The following KNL1 variants were observed in gnomAD, a reference collection of about 807,000 sequenced individuals.
KNL1 encodes the protein kinetochore scaffold 1, also known as outer kinetochore KNL1 complex subunit KNL1.
KNL1 carries 66 observed loss-of-function variants against 201.3 expected under a neutral mutation model. The observed-to-expected ratio is 0.33, with a 90% CI of 0.27 to 0.40. The LOEUF (loss-of-function observed/expected upper bound fraction) is 0.40, where lower values mean the gene tolerates loss of function less well. Ranked by LOEUF, KNL1 falls within the 10% of genes least tolerant of loss-of-function variation. The pLI is 1.00. For synonymous variants in KNL1, 895 were observed against 899.2 expected (o/e 1.00, Z 0.08); for missense variants, 2,815 against 2,690.5 (o/e 1.05, Z -1.02).
At chr15:40,637,873 GA>G (rs372582308) in intron 13 of KNL1, among the ~76,000 whole-genome samples, 2,113 of 148,682 alleles carry the variant, frequency 0.014, 21 homozygotes, top group Middle Eastern at 0.038. Flanking sequence ...CCAAAAATCT[GA>G]AAAAAAAAAT....
Position 40,620,772 on chromosome 15 carries a change from A to C in KNL1, c.508A>C (p.Ile170Leu). Residue 170 changes from isoleucine to leucine, a missense_variant, in exon 10 of 26, where the codon ATA becomes CTA. Around this residue, in one of 3 missense-constraint regions of KNL1, gnomAD observed 2,464 missense variants for 2,291.7 expected, o/e 1.08. Coordinates refer to ENST00000399668, the MANE Select transcript of KNL1 (RefSeq NM_144508.5). ...TACCAAAGGCCTTTTAGATAATCCC[A>C]TAAGTGAAAAGTCCACCAAGATAGA... Reference protein sequence around the residue: ...MITKGLLDNPISEKSTKIDTT... With the variant: ...MITKGLLDNPLSEKSTKIDTT... 6.2e-7 allele frequency: 1 copy of C among 1,613,724 alleles called. No homozygotes were observed. Among genetic ancestry groups the C allele is most frequent in the Non-Finnish European group, 8.5e-7 (1 of 1,179,804 alleles).
In KNL1 at chr15:40,662,241, A is replaced by G. The variant is rs544551339; in HGVS notation, c.*53A>G. Reference sequence around the variant, plus strand: ...AGCAGAATGTACTTGATATTATTTCAGGGTCCCATTGCTGTTCAGCCTTTG... The same window carrying G: ...AGCAGAATGTACTTGATATTATTTCGGGGTCCCATTGCTGTTCAGCCTTTG... On this transcript the variant is annotated 3_prime_UTR_variant, in exon 26 of 26. Transcript: ENST00000399668. 9 of 1,017,510 alleles carry G rather than the reference A, an allele frequency of 8.8e-6. No individual in the cohort carries two copies. The South Asian group carries it at 9.2e-5, about 10-fold the overall frequency. 63.0% of individuals were successfully genotyped at this position (1,017,510 alleles called of 1,614,324 possible). A position where few individuals can be genotyped will look rare whatever the true frequency, so the allele number is the denominator to read the frequency against.
At position 40,629,254 on chromosome 15, in the gene KNL1, C is replaced by CT. The variant is rs761229445; in HGVS notation, c.5584-11dup. 55 of 1,497,572 alleles carry CT rather than the reference C, an allele frequency of 3.7e-5. No homozygotes were observed. The highest frequency in any genetic ancestry group is 6.8e-5 in the Admixed American group (3 of 44,260). 92.8% of individuals were successfully genotyped at this position (1,497,572 alleles called of 1,614,324 possible). ...AAATCACATTGAATGGTCATGCAAA[C>CT]TTTTTTTTCTTTTCTCAGAAACTCC... On this transcript the variant is annotated intron_variant, in intron 12 of 25. Transcript: ENST00000399668.
intron 21 of KNL1, among the ~76,000 whole-genome samples, chr15:40,652,549 C>T (rs1216617618): frequency 6.7e-6 from 1 of 149,670 alleles, no homozygotes; most frequent in East Asian, 2.0e-4. Context: ...GTGGGCGGAT[C>T]ATCTGAGGTC....
At chr15:40,660,538 C>T (rs1180305540) in intron 25 of KNL1, among the ~76,000 whole-genome samples, 3 of 151,732 alleles carry the variant, frequency 2.0e-5, no homozygotes, top group Middle Eastern at 6.8e-3. Flanking sequence ...TGGCGGTGGG[C>T]GCCTGTAATC....
At position 40,652,002 on chromosome 15, in the gene KNL1, C is replaced by T. The variant is rs1893579530; in HGVS notation, c.6315-3C>T. On this transcript the variant is annotated splice_region_variant and splice_polypyrimidine_tract_variant and intron_variant, in intron 20 of 25. Transcript: ENST00000399668. The stretch of plus-strand genomic sequence containing the variant: ...TTTAAAAATCTTGTTTATCTCTCTA[C>T]AGCTTGTCTGAGTGGGATGTCGTTG... 1 of 1,608,896 alleles carries T rather than the reference C, an allele frequency of 6.2e-7. No homozygotes were observed. Among genetic ancestry groups the T allele is most frequent in the South Asian group, 1.1e-5 (1 of 90,882 alleles).
At chr15:40,636,206 G>A (rs949926695) in intron 13 of KNL1, among the ~76,000 whole-genome samples, 7 of 152,196 alleles carry the variant, frequency 4.6e-5, no homozygotes, top group Admixed American at 3.3e-4. Context: ...GTATAAGTTG[G>A]ACACTACTTA....
At chr15:40,616,780 C>G (rs900651011) in intron 8 of KNL1, among the ~76,000 whole-genome samples, 1 of 152,176 alleles carries the variant, frequency 6.6e-6, no homozygotes, top group African/African-American at 2.4e-5. Context: ...GAATAAAGCC[C>G]ATACTCCTTA....
At chr15:40,600,697 A>G (rs1406039239) in intron 1 of KNL1, among the ~76,000 whole-genome samples, 1 of 152,230 alleles carries the variant, frequency 6.6e-6, no homozygotes, top group African/African-American at 2.4e-5. Context: ...AAATGCTAAT[A>G]TGGTTGAGTC....
Position 40,623,940 on chromosome 15 carries a change from C to A in KNL1, c.3676C>A (p.His1226Asn). Reference protein sequence around the residue: ...ALAVGNKIVLHTEQKQQLFAA... With the variant: ...ALAVGNKIVLNTEQKQQLFAA... ...GGCTGTAGGAAACAAAATAGTTCTT[C>A]ACACCGAGCAAAAGCAACAACTCTT... Residue 1226 changes from histidine (H) to asparagine (N), a missense_variant, in exon 10 of 26, where the codon CAC becomes AAC. Around this residue, in one of 3 missense-constraint regions of KNL1, gnomAD observed 2,464 missense variants for 2,291.7 expected, o/e 1.08. Transcript: ENST00000399668. The A allele has an allele frequency of 6.2e-7, 1 of 1,613,400 alleles. No individual in the cohort carries two copies. The highest frequency in any genetic ancestry group is 1.1e-5 in the South Asian group (1 of 91,070).
rs759513987 is a variant in KNL1 at position 40,621,107 on chromosome 15, G to A, written c.843G>A (p.Met281Ile). Residue 281 changes from methionine (M) to isoleucine (I), a missense_variant, in exon 10 of 26, where the codon ATG becomes ATA. Physicochemically the swap from Met to Ile is conservative, Grantham distance 10. Transcript: ENST00000399668. ...TCTTTAGAGAAAAAGATGATGGGATGAATTTCACCCAGTGTCATACAGCCA... is the reference window on the plus strand; with the variant it reads ...TCTTTAGAGAAAAAGATGATGGGATAAATTTCACCCAGTGTCATACAGCCA... ...TRLFREKDDG[M>I]NFTQCHTANI... The A allele has an allele frequency of 6.2e-7, 1 of 1,613,518 alleles. No individual in the cohort carries two copies. The highest frequency in any genetic ancestry group is 1.1e-5 in the South Asian group (1 of 91,046).
intron 7 of KNL1, among the ~76,000 whole-genome samples, chr15:40,614,223 G>A (rs899366255): frequency 1.3e-5 from 2 of 151,034 alleles, no homozygotes; most frequent in Admixed American, 6.6e-5. Context: ...TCAGCCTCCC[G>A]AGTACCTGGG....
chr15:40,646,821 C>T lies in KNL1; in HGVS notation c.6007-166C>T, dbSNP rs550375772. The T allele has an allele frequency of 9.2e-5, 37 of 404,356 alleles. 1 individual carries two copies. Among genetic ancestry groups the T allele is most frequent in the East Asian group, 8.8e-4 (19 of 21,512 alleles). The allele number at this position is 404,356 out of a possible 1,614,324, so 25.0% of individuals were successfully genotyped here. A position where few individuals can be genotyped will look rare whatever the true frequency, so the allele number is the denominator to read the frequency against. ...GCAATGAGCCCAGATGGCGCCACTGCACTCCAGCCTGGGTAACAGAATGAG... is the reference window on the plus strand; with the variant it reads ...GCAATGAGCCCAGATGGCGCCACTGTACTCCAGCCTGGGTAACAGAATGAG... On this transcript the variant is annotated intron_variant, in intron 16 of 25. Coordinates refer to ENST00000399668, the MANE Select transcript of KNL1 (RefSeq NM_144508.5).
In KNL1 at chr15:40,623,831, T is replaced by G. The variant is rs1892637314; in HGVS notation, c.3567T>G (p.Phe1189Leu). 6.2e-7 allele frequency: 1 copy of G among 1,613,266 alleles called. No homozygotes were observed. The highest frequency in any genetic ancestry group is 8.5e-7 in the Non-Finnish European group (1 of 1,179,764). ...AAATACTTGAAGAAAACCCTAAATT[T>G]GGAATAGGAAAAGGAAAAAACTTGG... ...TEKILEENPK[F>L]GIGKGKNLGV... is the part of the protein sequence containing the mutation. The change falls in exon 10 of 26, where the codon TTT (phenylalanine) becomes TTG (leucine). Residue 1189 changes from phenylalanine (F) to leucine (L), a missense_variant. By Grantham distance (22) the Phe-to-Leu change is conservative. This residue lies in a region of KNL1 where 2,464 missense variants were observed against 2,291.7 expected (regional missense o/e 1.08). Transcript: ENST00000399668.
rs1893209873 is a variant in KNL1, at chr15:40,640,957, C to A, written c.5728C>A (p.Gln1910Lys). Residue 1910 changes from glutamine (Q) to lysine (K), a missense_variant, in exon 14 of 26, where the codon CAA (glutamine) becomes AAA (lysine). This residue lies in a region of KNL1 where 2,464 missense variants were observed against 2,291.7 expected (regional missense o/e 1.08). Coordinates refer to ENST00000399668, the MANE Select transcript of KNL1 (RefSeq NM_144508.5). Reference protein sequence around the residue: ...PPTPEDLMLSQYVYRPKIQIY... With the variant: ...PPTPEDLMLSKYVYRPKIQIY... Reference sequence around the variant, plus strand: ...TACTCCAGAAGACCTGATGTTAAGTCAATATGTTTACCGACCCAAGATACA... The same window carrying A: ...TACTCCAGAAGACCTGATGTTAAGTAAATATGTTTACCGACCCAAGATACA... 1.2e-6 allele frequency: 2 copies of A among 1,613,200 alleles called. No individual in the cohort carries two copies. Among genetic ancestry groups the A allele is most frequent in the African/African-American group, 1.3e-5 (1 of 74,998 alleles).
Position 40,614,932 on chromosome 15 carries a change from C to G in KNL1, c.285-409C>G, listed in dbSNP as rs112524866. 4.7e-3 allele frequency among the ~76,000 whole-genome samples: 710 copies of G among 152,278 alleles called. 6 individuals carry two copies. The highest frequency in any genetic ancestry group is 0.017 in the African/African-American group (686 of 41,562). ...TATTTTTTTGAGATGGGGTCTCACT[C>G]TGTCACCCAGGCTGGAGTGCAGTGA... is the stretch of plus-strand genomic sequence containing the variant. On this transcript the variant is annotated intron_variant, in intron 7 of 25. Transcript: ENST00000399668.
In KNL1 at chr15:40,617,975, T is replaced by TAAAAAAAAAAAA. The variant is rs71104706; in HGVS notation, c.323-956_323-945dup. Among the ~76,000 whole-genome samples, 17 of 47,230 alleles carry TAAAAAAAAAAAA rather than the reference T, an allele frequency of 3.6e-4. 2 individuals carry two copies. The highest frequency in any genetic ancestry group is 5.1e-4 in the Non-Finnish European group (15 of 29,534). 31.0% of individuals were successfully genotyped at this position (47,230 alleles called of 152,430 possible). Reference sequence around the variant, plus strand: ...CCTGAAATATAAATAAGGCTTTTAGTAAAAAAAAAAAAAAAAAAAAAAAAA... The same window carrying TAAAAAAAAAAAA: ...CCTGAAATATAAATAAGGCTTTTAGTAAAAAAAAAAAAAAAAAAAAAAAAAAAAAAAAAAAAA... On this transcript the variant is annotated intron_variant, in intron 8 of 25. Transcript: ENST00000399668.
At chr15:40,601,883 T>G (rs1891806609) in intron 1 of KNL1, among the ~76,000 whole-genome samples, 1 of 137,432 alleles carries the variant, frequency 7.3e-6, no homozygotes, top group South Asian at 2.5e-4. Flanking sequence ...TTTTTTTTTT[T>G]TTGAGACAGA....
In KNL1 at chr15:40,628,645, C is replaced by G. The variant is rs754237916; in HGVS notation, c.5550C>G (p.Leu1850=). The G allele has an allele frequency of 3.7e-6, 6 of 1,602,570 alleles. No homozygotes were observed. Among genetic ancestry groups the G allele is most frequent in the South Asian group, 1.1e-5 (1 of 88,684 alleles). The change falls in exon 12 of 26, where the codon CTC becomes CTG. Residue 1850 remains leucine, a synonymous_variant. Transcript: ENST00000399668. ...GTAGTCAAATGGAATCACAGTTTCT[C>G]AGAGATACTATTTGTGAAGAGAGCT... The part of the protein sequence containing the change: ...YRSSQMESQF[L]RDTICEESLR...
Sources: gnomAD v4.1 joint callset for allele counts (sites outside exome capture counted in the v4.1 genomes callset) on GRCh38, gnomAD v4.1.1 for gene constraint, gnomAD v4.1.1 regional missense constraint, MANE v1.5 for transcripts, NCBI Gene and HGNC (gene_info 2026-07-23, HGNC 2026-07-21) for gene names.